The following SPARCL1 variants were observed in gnomAD, a reference collection of about 807,000 sequenced individuals.
SPARCL1 encodes SPARC like 1.
Under a neutral mutation model 67.1 loss-of-function variants are expected in SPARCL1, and 52 were observed. The ratio of observed to expected loss-of-function variants is 0.78; its 90% CI spans 0.62 to 0.98. SPARCL1 has a LOEUF of 0.98. SPARCL1 is among the 50% of genes least tolerant of loss of function. The pLI is 0.00. For missense variants in SPARCL1, 717 were observed against 782.4 expected, an observed-to-expected ratio of 0.92 and a Z score of 1.00; for synonymous variants, 226 against 267.8, an observed-to-expected ratio of 0.84 and a Z score of 1.52.
chr4:87,491,099 A>AT (rs968277119), intron 5 of SPARCL1, among the ~76,000 whole-genome samples: 1 of 152,182 alleles, frequency 6.6e-6, no homozygotes, highest in South Asian at 2.1e-4. Context: ...ATTATTTTAC[A>AT]TGATAATCTA....
At chr4:87,519,722 T>C (rs1203789912) in intron 1 of SPARCL1, among the ~76,000 whole-genome samples, 1 of 152,200 alleles carries the variant, frequency 6.6e-6, no homozygotes, top group Non-Finnish European at 1.5e-5. Flanking sequence ...GAATAGAATG[T>C]GGTTAGTAAT....
chr4:87,490,761 T>C lies in SPARCL1; in HGVS notation c.1409A>G (p.Gln470Arg). 6.3e-7 allele frequency: 1 copy of C among 1,585,880 alleles called. No individual in the cohort carries two copies. Among genetic ancestry groups the C allele is most frequent in the Non-Finnish European group, 8.6e-7 (1 of 1,160,546 alleles). The change falls in exon 6 of 11, where the codon CAA (glutamine) becomes CGA (arginine). Residue 470 changes from glutamine (Q) to arginine (R), a missense_variant and splice_region_variant. Transcript: ENST00000282470. Reference protein sequence around the residue: ...VTCPPTKPLDQVCGTDNQTYA... With the variant: ...VTCPPTKPLDRVCGTDNQTYA... ...AAGACTATTTTGCAGAATACTTACT[T>C]GATCAAGGGGTTTTGTTGGAGGACA...
chr4:87,479,385 C>G, intron 10 of SPARCL1, 45 bp downstream of exon 10: 1 of 1,595,368 alleles, frequency 6.3e-7, no homozygotes, highest in East Asian at 2.2e-5. Flanking sequence ...TAGGGCTTGT[C>G]TGAGGAAGAA....
intron 7 of SPARCL1, among the ~76,000 whole-genome samples, chr4:87,487,937 G>T (rs1578098217): frequency 6.6e-6 from 1 of 152,082 alleles, no homozygotes; most frequent in Non-Finnish European, 1.5e-5. Context: ...GTGTTTTTCA[G>T]CTCCATCAGG....
intron 1 of SPARCL1, among the ~76,000 whole-genome samples, chr4:87,502,951 C>G (rs545290658): frequency 1.3e-5 from 2 of 152,316 alleles, no homozygotes; most frequent in East Asian, 3.9e-4. Flanking sequence ...ATTCATACCT[C>G]TTACCTTGAG....
At chr4:87,513,304 A>G (rs912944528) in intron 1 of SPARCL1, among the ~76,000 whole-genome samples, 19 of 152,224 alleles carry the variant, frequency 1.2e-4, no homozygotes, top group Non-Finnish European at 2.4e-4. Context: ...TATTTGGCCA[A>G]ATGTACAAGG....
chr4:87,494,091 T>G lies in SPARCL1; in HGVS notation c.709A>C (p.Asn237His). The G allele has an allele frequency of 6.2e-7, 1 of 1,614,038 alleles. No individual in the cohort carries two copies. Among genetic ancestry groups the G allele is most frequent in the Non-Finnish European group, 8.5e-7 (1 of 1,180,032 alleles). The change falls in exon 4 of 11, where the codon AAT (asparagine) becomes CAT (histidine). Residue 237 changes from asparagine (N) to histidine (H), a missense_variant. Coordinates refer to ENST00000282470, the MANE Select transcript of SPARCL1 (RefSeq NM_004684.6). ...EHANSKQEED[N>H]TQSDDILEES... ...TCCAAAATATCATCAGATTGGGTAT[T>G]GTCTTCCTCCTGCTTGCTGTTAGCA... is the stretch of plus-strand genomic sequence containing the variant.
In SPARCL1 at chr4:87,516,566, C is replaced by G. The variant is rs953154912; in HGVS notation, c.-12+12479G>C. Among the ~76,000 whole-genome samples, 4 of 152,292 alleles carry G rather than the reference C, an allele frequency of 2.6e-5. No individual in the cohort carries two copies. In the East Asian group the frequency reaches 7.7e-4, roughly 29 times the overall value. On this transcript the variant is annotated intron_variant, in intron 1 of 10. Coordinates refer to ENST00000282470, the MANE Select transcript of SPARCL1 (RefSeq NM_004684.6). The stretch of plus-strand genomic sequence containing the variant: ...ACTTCACCTGTGTACCATCCATGCA[C>G]TCCCATCTGTGACCCTCACCTCCAT...
intron 10 of SPARCL1, among the ~76,000 whole-genome samples, chr4:87,479,008 C>T (rs1723696685): frequency 6.6e-6 from 1 of 152,154 alleles, no homozygotes; most frequent in South Asian, 2.1e-4. Context: ...GTAATGGATT[C>T]TGAGATGTTC....
Position 87,529,282 on chromosome 4 carries a change from C to T in SPARCL1, c.-249G>A, listed in dbSNP as rs1182886493. 1 of 152,152 alleles carries T rather than the reference C, an allele frequency of 6.6e-6. No homozygotes were observed. The highest frequency in any genetic ancestry group is 1.5e-5 in the Non-Finnish European group (1 of 68,044). The allele number at this position is 152,152 out of a possible 1,614,324, so 9.4% of individuals were successfully genotyped here. A position where few individuals can be genotyped will look rare whatever the true frequency, so the allele number is the denominator to read the frequency against. ...CAGACGAGAATTTGGAGGTTGGCAC[C>T]AGAGAGTATTTCAGACTGTCATCGT... On this transcript the variant is annotated 5_prime_UTR_variant, in exon 1 of 11. Coordinates refer to ENST00000282470, the MANE Select transcript of SPARCL1 (RefSeq NM_004684.6).
At chr4:87,485,699 C>G (rs1193188111) in intron 7 of SPARCL1, among the ~76,000 whole-genome samples, 1 of 152,044 alleles carries the variant, frequency 6.6e-6, no homozygotes, top group Non-Finnish European at 1.5e-5. Flanking sequence ...TGGTCCCCAG[C>G]TTTTTTTGGT....
At chr4:87,517,480 G>A (rs12640263) in intron 1 of SPARCL1, among the ~76,000 whole-genome samples, 43,544 of 151,832 alleles carry the variant, frequency 0.29, 6,877 homozygotes, top group East Asian at 0.59. Context: ...ACCTTTTAAA[G>A]CCTAGCCCCT....
At position 87,504,134 on chromosome 4, in the gene SPARCL1, A is replaced by AT. The variant is rs1358351269; in HGVS notation, c.-11-4550dup. Among the ~76,000 whole-genome samples, 5 of 73,222 alleles carry AT rather than the reference A, an allele frequency of 6.8e-5. No individual in the cohort carries two copies. The Admixed American group carries it at 1.0e-3, about 15-fold the overall frequency. The allele number at this position is 73,222 out of a possible 152,430, so 48.0% of individuals were successfully genotyped here. A position where few individuals can be genotyped will look rare whatever the true frequency, so the allele number is the denominator to read the frequency against. On this transcript the variant is annotated intron_variant, in intron 1 of 10. Coordinates refer to ENST00000282470, the MANE Select transcript of SPARCL1 (RefSeq NM_004684.6). Reference sequence around the variant, plus strand: ...AGCTGCACATAGAAAGTGATTTGGTATTGTGTGTGTGTGTGTGTGTGTGTG... The same window carrying AT: ...AGCTGCACATAGAAAGTGATTTGGTATTTGTGTGTGTGTGTGTGTGTGTGTG...
chr4:87,484,857 C>T (rs1723986124), intron 7 of SPARCL1, among the ~76,000 whole-genome samples: 1 of 152,102 alleles, frequency 6.6e-6, no homozygotes, highest in Non-Finnish European at 1.5e-5. Context: ...TATGATTTGG[C>T]TCTCTGCTTG....
intron 1 of SPARCL1, among the ~76,000 whole-genome samples, chr4:87,507,969 T>C (rs1725172226): frequency 6.6e-6 from 1 of 152,204 alleles, no homozygotes; most frequent in East Asian, 1.9e-4. Context: ...GGGTGAGGTA[T>C]GGGGGAAGGG....
Position 87,490,880 on chromosome 4 carries a change from TA to T in SPARCL1, c.1292-3del. ...TACACTGGAAGCTCATGCAAGAATC[TA>T]ACAGAAAAGATTGGGCAGGAAGCAT... On this transcript the variant is annotated splice_polypyrimidine_tract_variant and splice_region_variant and intron_variant, in intron 5 of 10. Transcript: ENST00000282470. 6.4e-7 allele frequency: 1 copy of T among 1,553,172 alleles called. No homozygotes were observed. Among genetic ancestry groups the T allele is most frequent in the Non-Finnish European group, 8.8e-7 (1 of 1,137,004 alleles).
At chr4:87,508,935 G>T (rs1428968340) in intron 1 of SPARCL1, among the ~76,000 whole-genome samples, 1 of 144,608 alleles carries the variant, frequency 6.9e-6, no homozygotes, top group African/African-American at 2.5e-5. Context: ...TACTATGTAT[G>T]TGCACCTGGA....
chr4:87,501,995 G>A (rs892155291), intron 1 of SPARCL1, among the ~76,000 whole-genome samples: 3 of 148,726 alleles, frequency 2.0e-5, no homozygotes, highest in African/African-American at 7.5e-5. Context: ...TGGAGATAGG[G>A]TTTCGCCATG....
chr4:87,510,539 C>T (rs1725303832), intron 1 of SPARCL1, among the ~76,000 whole-genome samples: 2 of 152,174 alleles, frequency 1.3e-5, no homozygotes, highest in African/African-American at 2.4e-5. Flanking sequence ...AGAAGAAGCG[C>T]CTGGACATAG....
Sources: gnomAD v4.1 joint callset for allele counts (sites outside exome capture counted in the v4.1 genomes callset) on GRCh38, gnomAD v4.1.1 for gene constraint, MANE v1.5 for transcripts, NCBI Gene and HGNC (gene_info 2026-07-23, HGNC 2026-07-21) for gene names.